Variants in WNT7A observed in about 807,000 individuals in gnomAD.
WNT7A encodes protein Wnt-7a.
WNT7A carries 16 observed loss-of-function variants against 28.2 expected under a neutral mutation model. That is an observed-to-expected ratio of 0.57 (90% confidence interval 0.38 to 0.86). The LOEUF (loss-of-function observed/expected upper bound fraction) is 0.86, where lower values mean the gene tolerates loss of function less well. Ranked by LOEUF, WNT7A falls within the 40% of genes least tolerant of loss-of-function variation. WNT7A has a pLI of 0.00. For synonymous variants in WNT7A, 190 were observed against 195.9 expected (o/e 0.97, Z 0.25); for missense variants, 411 against 489.7 (o/e 0.84, Z 1.52).
At chr3:13,877,969 C>A (rs1424634534) in intron 1 of WNT7A, among the ~76,000 whole-genome samples, 1 of 152,242 alleles carries the variant, frequency 6.6e-6, no homozygotes, top group Non-Finnish European at 1.5e-5. Context: ...TGAGACTTCA[C>A]CCCTCATGTC....
In WNT7A at chr3:13,870,033, G is replaced by C. The variant is rs80224790; in HGVS notation, c.298+4914C>G. 8.7e-3 allele frequency among the ~76,000 whole-genome samples: 1,328 copies of C among 152,178 alleles called. 14 individuals are homozygous for C. The highest frequency in any genetic ancestry group is 0.031 in the African/African-American group (1,273 of 41,496). ...ATTTCTCCCCACCCTCCAAGTCCCA[G>C]ATCAAGGGCCATCTCCACTGTCCAG... On this transcript the variant is annotated intron_variant, in intron 2 of 3. Coordinates refer to ENST00000285018, the MANE Select transcript of WNT7A (RefSeq NM_004625.4).
In WNT7A at chr3:13,854,807, C is replaced by A. The variant is rs768911587; in HGVS notation, c.299-4G>T. The A allele has an allele frequency of 6.8e-5, 110 of 1,611,694 alleles. 3 individuals are homozygous for A. In the South Asian group the frequency reaches 1.1e-3, roughly 16 times the overall value. On this transcript the variant is annotated splice_region_variant and splice_polypyrimidine_tract_variant and intron_variant, in intron 2 of 3. Transcript: ENST00000285018. The stretch of plus-strand genomic sequence containing the variant: ...GTGAACGCAGCCTCCCGGCTCCCTG[C>A]GAGGAGGAGAGAAGAGGAGACAAGT...
intron 3 of WNT7A, among the ~76,000 whole-genome samples, chr3:13,847,163 C>T (rs552322403): frequency 7.9e-5 from 12 of 152,236 alleles, no homozygotes; most frequent in Non-Finnish European, 1.5e-4. Context: ...GCACCCTCCG[C>T]CCCAGCCTGG....
intron 3 of WNT7A, among the ~76,000 whole-genome samples, chr3:13,854,169 G>A (rs1056561958): frequency 2.6e-5 from 4 of 151,966 alleles, no homozygotes; most frequent in African/African-American, 9.7e-5. Context: ...AAGGAGGGAC[G>A]GAGGGAAGGA....
chr3:13,877,543 A>G (rs1358631076), intron 1 of WNT7A, among the ~76,000 whole-genome samples: 2 of 152,206 alleles, frequency 1.3e-5, no homozygotes, highest in Non-Finnish European at 1.5e-5. Context: ...TGGGGCCAAA[A>G]ATTCATAGGT....
intron 2 of WNT7A, chr3:13,863,871 C>G (rs2124869105): frequency 6.6e-6 from 1 of 152,160 alleles, no homozygotes; most frequent in East Asian, 1.9e-4. Flanking sequence ...TGGGGATCCC[C>G]AGACATGGGA....
intron 2 of WNT7A, among the ~76,000 whole-genome samples, chr3:13,859,474 A>G (rs996515651): frequency 1.3e-5 from 2 of 152,220 alleles, no homozygotes; most frequent in Middle Eastern, 3.2e-3. Context: ...TATAATTATA[A>G]TAATTGATGA....
intron 2 of WNT7A, among the ~76,000 whole-genome samples, chr3:13,855,735 G>A (rs764111409): frequency 2.2e-4 from 33 of 152,130 alleles, no homozygotes; most frequent in Non-Finnish European, 3.8e-4. Flanking sequence ...AGCAACCTAT[G>A]GGAAGCCCTG....
rs748034236 is a variant in WNT7A at position 13,854,609 on chromosome 3, C to A, written c.493G>T (p.Val165Phe). 2.5e-6 allele frequency: 4 copies of A among 1,614,222 alleles called. No homozygotes were observed. The highest frequency in any genetic ancestry group is 3.4e-6 in the Non-Finnish European group (4 of 1,180,044). Residue 165 changes from valine (V) to phenylalanine (F), a missense_variant, in exon 3 of 4, where the codon GTC becomes TTC. By Grantham distance (50) the Val-to-Phe change is conservative. Coordinates refer to ENST00000285018, the MANE Select transcript of WNT7A (RefSeq NM_004625.4). ...TTGATCTCCCGGGCATCCACAAAGA[C>A]CTTGGCGAAGCCGATGCCGTAGCGG... Reference protein sequence around the residue: ...DIRYGIGFAKVFVDAREIKQN... With the variant: ...DIRYGIGFAKFFVDAREIKQN...
At chr3:13,828,628 G>T (rs927077163) in intron 3 of WNT7A, among the ~76,000 whole-genome samples, 1 of 152,178 alleles carries the variant, frequency 6.6e-6, no homozygotes, top group African/African-American at 2.4e-5. Context: ...GGACTGGTTT[G>T]CCTAAAAAGG....
At chr3:13,828,804 T>G (rs1320429025) in intron 3 of WNT7A, among the ~76,000 whole-genome samples, 1 of 152,170 alleles carries the variant, frequency 6.6e-6, no homozygotes, top group Non-Finnish European at 1.5e-5. Flanking sequence ...AGCAGTGACC[T>G]GGGCAACCAG....
At chr3:13,826,302 A>C (rs142533493) in intron 3 of WNT7A, among the ~76,000 whole-genome samples, 1 of 152,330 alleles carries the variant, frequency 6.6e-6, no homozygotes, top group African/African-American at 2.4e-5. Flanking sequence ...ATACATTGGT[A>C]AGTGCTATGA....
At chr3:13,844,663 C>T (rs550360748) in intron 3 of WNT7A, among the ~76,000 whole-genome samples, 83 of 152,318 alleles carry the variant, frequency 5.4e-4, no homozygotes, top group African/African-American at 1.9e-3. Context: ...TGTGAGCAGC[C>T]TTGACAGTGT....
chr3:13,826,798 A>T (rs977369877), intron 3 of WNT7A, among the ~76,000 whole-genome samples: 10 of 152,202 alleles, frequency 6.6e-5, no homozygotes, highest in African/African-American at 2.2e-4. Flanking sequence ...GGAGAGACTG[A>T]GAAAGATTGA....
At chr3:13,872,463 T>C (rs2124877818) in intron 2 of WNT7A, among the ~76,000 whole-genome samples, 1 of 152,260 alleles carries the variant, frequency 6.6e-6, no homozygotes, top group Middle Eastern at 3.4e-3. Context: ...CGACTCCCAC[T>C]CAGAAATTCA....
chr3:13,879,139 G>C (rs944848758), intron 1 of WNT7A, among the ~76,000 whole-genome samples: 1 of 152,234 alleles, frequency 6.6e-6, no homozygotes, highest in Non-Finnish European at 1.5e-5. Context: ...CTTGGCCCGG[G>C]AAGGGGCTCT....
chr3:13,830,089 A>G (rs1159477402), intron 3 of WNT7A, among the ~76,000 whole-genome samples: 1 of 152,048 alleles, frequency 6.6e-6, no homozygotes, highest in Non-Finnish European at 1.5e-5. Context: ...TGGTCCCCGC[A>G]GCGTCTTCTC....
intron 3 of WNT7A, among the ~76,000 whole-genome samples, chr3:13,828,618 G>T (rs1694234434): frequency 6.6e-6 from 1 of 152,190 alleles, no homozygotes; most frequent in South Asian, 2.1e-4. Context: ...GGGGAGCCAA[G>T]GACTGGTTTG....
At chr3:13,841,286 G>T (rs1694452517) in intron 3 of WNT7A, among the ~76,000 whole-genome samples, 1 of 152,176 alleles carries the variant, frequency 6.6e-6, no homozygotes, top group African/African-American at 2.4e-5. Context: ...TTAGTGATCT[G>T]TTCGTCTCTA....
Sources: allele counts gnomAD v4.1 joint callset (sites outside exome capture counted in the v4.1 genomes callset), GRCh38; gene constraint gnomAD v4.1.1; transcripts MANE v1.5; gene names NCBI Gene and HGNC (gene_info 2026-07-23, HGNC 2026-07-21).